Variants in GPATCH2 observed in about 807,000 individuals in gnomAD.
GPATCH2 encodes G patch domain-containing protein 2.
Under a neutral mutation model 58.0 loss-of-function variants are expected in GPATCH2, and 51 were observed. The ratio of observed to expected loss-of-function variants is 0.88; its 90% CI spans 0.70 to 1.11. The LOEUF is 1.11. GPATCH2 is among the 50% of genes most tolerant of loss of function. The pLI, the probability that GPATCH2 is intolerant of heterozygous loss-of-function variation, is 0.00. For missense variants in GPATCH2, 625 were observed against 652.2 expected (o/e 0.96, Z 0.45); for synonymous variants, 222 against 218.5 (o/e 1.02, Z -0.14).
chr1:217,590,524 A>G (rs959204908), intron 5 of GPATCH2, among the ~76,000 whole-genome samples: 1 of 152,230 alleles, frequency 6.6e-6, no homozygotes, highest in Non-Finnish European at 1.5e-5. Context: ...ACATCTTTTC[A>G]GCTTAGGCTA....
intron 9 of GPATCH2, among the ~76,000 whole-genome samples, chr1:217,448,049 G>C (rs1659470690): frequency 6.7e-6 from 1 of 148,520 alleles, no homozygotes; most frequent in Non-Finnish European, 1.5e-5. Flanking sequence ...AGCGAGCCAA[G>C]ATCACACTGC....
At chr1:217,487,925 A>G (rs1661531061) in intron 8 of GPATCH2, among the ~76,000 whole-genome samples, 2 of 152,076 alleles carry the variant, frequency 1.3e-5, no homozygotes, top group African/African-American at 4.8e-5. Flanking sequence ...TATTTTTAGT[A>G]GAGACGCGGT....
chr1:217,529,967 TC>T (rs1664108300), intron 5 of GPATCH2, among the ~76,000 whole-genome samples: 1 of 152,216 alleles, frequency 6.6e-6, no homozygotes, highest in Admixed American at 6.5e-5. Context: ...TTAAGCTTTT[TC>T]ACTGTTTCAT....
At chr1:217,593,355 G>A (rs1453296080) in intron 5 of GPATCH2, among the ~76,000 whole-genome samples, 1 of 151,906 alleles carries the variant, frequency 6.6e-6, no homozygotes, top group East Asian at 1.9e-4. Context: ...TATTGGGCGG[G>A]AAGATGCATT....
chr1:217,571,513 A>T (rs76896745), intron 5 of GPATCH2, among the ~76,000 whole-genome samples: 1,625 of 81,396 alleles, frequency 0.02, 23 homozygotes, highest in Middle Eastern at 0.078. Flanking sequence ...GAAAGACATT[A>T]AAAAAAAAAA....
Position 217,475,424 on chromosome 1 carries a change from G to A in GPATCH2, c.1277+16256C>T, listed in dbSNP as rs186147059. On this transcript the variant is annotated intron_variant, in intron 8 of 9. Coordinates refer to ENST00000366935, the MANE Select transcript of GPATCH2 (RefSeq NM_018040.5). ...ACTGCACTCCAGCCTGGGCGACACAGCAAGACTCCATCTCAAAAAACAAAA... is the reference window on the plus strand; with the variant it reads ...ACTGCACTCCAGCCTGGGCGACACAACAAGACTCCATCTCAAAAAACAAAA... Among the ~76,000 whole-genome samples, 373 of 152,082 alleles carry A rather than the reference G, an allele frequency of 2.5e-3. 1 individual carries two copies. Among genetic ancestry groups the A allele is most frequent in the African/African-American group, 8.6e-3 (357 of 41,484 alleles).
At chr1:217,578,526 A>G (rs1666914832) in intron 5 of GPATCH2, among the ~76,000 whole-genome samples, 1 of 152,210 alleles carries the variant, frequency 6.6e-6, no homozygotes, top group Admixed American at 6.5e-5. Context: ...AGCTGAGAGT[A>G]CAGGCGTCAG....
At chr1:217,558,240 CT>C (rs1365119292) in intron 5 of GPATCH2, among the ~76,000 whole-genome samples, 1 of 152,156 alleles carries the variant, frequency 6.6e-6, no homozygotes, top group Non-Finnish European at 1.5e-5. Context: ...TTGATAACCA[CT>C]GTCCTGAAGG....
intron 6 of GPATCH2, among the ~76,000 whole-genome samples, chr1:217,500,235 G>C (rs569235811): frequency 6.6e-6 from 1 of 151,872 alleles, no homozygotes; most frequent in South Asian, 2.1e-4. Flanking sequence ...TCTTATCACT[G>C]TTAGTTTTCA....
chr1:217,537,410 A>G (rs1163794154), intron 5 of GPATCH2, among the ~76,000 whole-genome samples: 1 of 152,078 alleles, frequency 6.6e-6, no homozygotes, highest in Non-Finnish European at 1.5e-5. Context: ...CTTAAGTATG[A>G]GATAGGAAAG....
chr1:217,525,511 C>T (rs1376920578), intron 5 of GPATCH2, among the ~76,000 whole-genome samples: 1 of 151,958 alleles, frequency 6.6e-6, no homozygotes, highest in African/African-American at 2.4e-5. Flanking sequence ...TTCCCATTTC[C>T]CACAATTTTA....
chr1:217,460,270 C>G (rs1476613338), intron 8 of GPATCH2, among the ~76,000 whole-genome samples: 1 of 152,194 alleles, frequency 6.6e-6, no homozygotes, highest in African/African-American at 2.4e-5. Context: ...CTCCAAGGAA[C>G]TACTTTTCCC....
At chr1:217,575,072 G>A (rs1000877461) in intron 5 of GPATCH2, among the ~76,000 whole-genome samples, 9 of 152,014 alleles carry the variant, frequency 5.9e-5, no homozygotes, top group Non-Finnish European at 1.0e-4. Flanking sequence ...ATCATTTATA[G>A]GTCAAAAAAT....
intron 5 of GPATCH2, among the ~76,000 whole-genome samples, chr1:217,566,502 T>C (rs1337298176): frequency 6.6e-6 from 1 of 152,210 alleles, no homozygotes; most frequent in Admixed American, 6.5e-5. Context: ...CATTATTAAT[T>C]TTTTATATAC....
chr1:217,517,971 T>C (rs1558451200), intron 5 of GPATCH2, among the ~76,000 whole-genome samples: 2 of 152,148 alleles, frequency 1.3e-5, no homozygotes, highest in Admixed American at 1.3e-4. Flanking sequence ...ATTTATGTAA[T>C]TAGCCAATAT....
chr1:217,429,464 AG>A lies in GPATCH2; in HGVS notation c.*1680del, dbSNP rs1310233524. 6.6e-6 allele frequency: 1 copy of A among 152,082 alleles called. No homozygotes were observed. The highest frequency in any genetic ancestry group is 2.4e-5 in the African/African-American group (1 of 41,404). The allele number at this position is 152,082 out of a possible 1,614,324, so 9.4% of individuals were successfully genotyped here. A position where few individuals can be genotyped will look rare whatever the true frequency, so the allele number is the denominator to read the frequency against. ...GTTGGACTTCCCCTCCCTAGTTGGC[AG>A]GATTTTTTTTAGGGGACCACCTGAG... On this transcript the variant is annotated 3_prime_UTR_variant, in exon 10 of 10. Transcript: ENST00000366935.
chr1:217,478,900 T>C (rs1661085674), intron 8 of GPATCH2, among the ~76,000 whole-genome samples: 1 of 151,646 alleles, frequency 6.6e-6, no homozygotes, highest in Admixed American at 6.6e-5. Flanking sequence ...ACAAGTAACA[T>C]ACAATGGAGC....
chr1:217,475,245 C>T (rs967797305), intron 8 of GPATCH2, among the ~76,000 whole-genome samples: 1 of 152,102 alleles, frequency 6.6e-6, no homozygotes, highest in African/African-American at 2.4e-5. Context: ...TTGAGACCAG[C>T]CTGGCCAACA....
intron 5 of GPATCH2, among the ~76,000 whole-genome samples, chr1:217,556,660 C>T (rs755462364): frequency 2.0e-5 from 3 of 152,134 alleles, no homozygotes; most frequent in Non-Finnish European, 4.4e-5. Flanking sequence ...ACAAAGATTG[C>T]TACTATGGAT....
Sources: allele counts gnomAD v4.1 joint callset (sites outside exome capture counted in the v4.1 genomes callset), GRCh38; gene constraint gnomAD v4.1.1; transcripts MANE v1.5; gene names NCBI Gene and HGNC (gene_info 2026-07-23, HGNC 2026-07-21).